The following CYYR1 variants were observed in gnomAD, a reference collection of about 807,000 sequenced individuals.
CYYR1 encodes cysteine and tyrosine-rich protein 1.
A neutral mutation model predicts 15.2 loss-of-function variants in CYYR1; 14 were observed. That is an observed-to-expected ratio of 0.92 (90% CI 0.61 to 1.44). The LOEUF is 1.44. Ranked by LOEUF, CYYR1 falls within the 40% of genes most tolerant of loss-of-function variation. The pLI, the probability that CYYR1 is intolerant of heterozygous loss-of-function variation, is 0.00. For missense variants in CYYR1, 228 were observed against 209.5 expected (o/e 1.09, Z -0.54); for synonymous variants, 80 against 77.4 (o/e 1.03, Z -0.18).
intron 2 of CYYR1, chr21:26,551,737 T>C (rs368553151): frequency 1.0e-4 from 20 of 191,308 alleles, no homozygotes; most frequent in East Asian, 8.2e-4. Context: ...TTTTGTGAGA[T>C]GGAATCTATT....
Position 26,534,389 on chromosome 21 carries a change from C to A in CYYR1, c.176+31877G>T, listed in dbSNP as rs574713049. Among the ~76,000 whole-genome samples the A allele has an allele frequency of 2.0e-5, 3 of 152,226 alleles. No individual in the cohort carries two copies. In the South Asian group the frequency reaches 6.2e-4, roughly 32 times the overall value. ...TCTATTATGTGTTAATGTGCTGAAT[C>A]TTTTCTTGCCCCTCCTGATCTACTC... On this transcript the variant is annotated intron_variant, in intron 2 of 3. Transcript: ENST00000652641.
chr21:26,558,038 T>C (rs986694976), intron 2 of CYYR1, among the ~76,000 whole-genome samples: 3 of 152,202 alleles, frequency 2.0e-5, no homozygotes. Flanking sequence ...CCTTTCATCC[T>C]GTAGCACAAG....
intron 2 of CYYR1, among the ~76,000 whole-genome samples, chr21:26,492,662 A>G (rs2065344195): frequency 6.6e-6 from 1 of 152,116 alleles, no homozygotes; most frequent in African/African-American, 2.4e-5. Flanking sequence ...GCACGTTTGC[A>G]GGAGTGAGGC....
At chr21:26,505,316 A>G (rs2065540952) in intron 2 of CYYR1, among the ~76,000 whole-genome samples, 1 of 152,216 alleles carries the variant, frequency 6.6e-6, no homozygotes, top group Admixed American at 6.5e-5. Context: ...AAAAGTAAAA[A>G]GCAATAAAAG....
chr21:26,469,319 AGGGGGG>A (rs1569135231), intron 3 of CYYR1, among the ~76,000 whole-genome samples: 2 of 151,812 alleles, frequency 1.3e-5, no homozygotes, highest in East Asian at 3.9e-4. Context: ...CTATAATTGG[AGGGGGG>A]TGGAACCATT....
At chr21:26,565,255 G>A (rs1449334476) in intron 2 of CYYR1, among the ~76,000 whole-genome samples, 1 of 152,026 alleles carries the variant, frequency 6.6e-6, no homozygotes, top group Non-Finnish European at 1.5e-5. Context: ...TTCTATTCTC[G>A]GGAAATGGAG....
intron 2 of CYYR1, among the ~76,000 whole-genome samples, chr21:26,495,642 T>TGG (rs2065389634): frequency 6.6e-6 from 1 of 152,200 alleles, no homozygotes; most frequent in South Asian, 2.1e-4. Context: ...GCCCACAATA[T>TGG]GGAAGGAGGC....
rs115332554 is a variant in CYYR1, at chr21:26,562,141, C to T, written c.176+4125G>A. Among the ~76,000 whole-genome samples the T allele has an allele frequency of 4.8e-3, 731 of 152,296 alleles. 6 individuals are homozygous for T. The highest frequency in any genetic ancestry group is 0.016 in the African/African-American group (667 of 41,572). ...GGAAATTGTTTATTTCTTGAATTGG[C>T]CCAATTCTCATTTTTAAATATTCTG... is the stretch of plus-strand genomic sequence containing the variant. On this transcript the variant is annotated intron_variant, in intron 2 of 3. Coordinates refer to ENST00000652641, the MANE Select transcript of CYYR1 (RefSeq NM_001320768.2).
intron 2 of CYYR1, among the ~76,000 whole-genome samples, chr21:26,503,182 C>G (rs778828801): frequency 6.6e-6 from 1 of 152,124 alleles, no homozygotes; most frequent in Non-Finnish European, 1.5e-5. Flanking sequence ...ACTAAAAGCA[C>G]TTGGAGAGAC....
chr21:26,469,762 C>T (rs2065011984), intron 3 of CYYR1, among the ~76,000 whole-genome samples: 2 of 152,110 alleles, frequency 1.3e-5, no homozygotes, highest in African/African-American at 4.8e-5. Context: ...ATAAATTTCT[C>T]CCTATCCATC....
At chr21:26,474,584 T>C (rs1020098566) in intron 3 of CYYR1, among the ~76,000 whole-genome samples, 36 of 151,986 alleles carry the variant, frequency 2.4e-4, no homozygotes, top group African/African-American at 8.2e-4. Context: ...TTTCCTTCAC[T>C]GAAGACTTAA....
intron 2 of CYYR1, chr21:26,483,464 C>A: frequency 1.0e-6 from 1 of 980,162 alleles, no homozygotes; most frequent in Middle Eastern, 5.3e-4. Context: ...AGTTTGCAAG[C>A]CAGAATTTGA....
chr21:26,542,290 CGTGTGTGT>C (rs55725152), intron 2 of CYYR1, among the ~76,000 whole-genome samples: 10 of 128,066 alleles, frequency 7.8e-5, no homozygotes, highest in East Asian at 2.4e-4. Flanking sequence ...TGTGTGTGTG[CGTGTGTGT>C]GTGTGTGTGT....
chr21:26,566,460 A>G (rs1267496006), intron 1 of CYYR1, 92 bp from the exon 2 acceptor site: 2 of 947,066 alleles, frequency 2.1e-6, no homozygotes, highest in African/African-American at 1.6e-5. Flanking sequence ...TCAGCCAATG[A>G]CCACCCTTTA....
chr21:26,480,251 A>G (rs921064372), intron 3 of CYYR1, 21 bp downstream of exon 3: 1 of 1,592,564 alleles, frequency 6.3e-7, no homozygotes, highest in Admixed American at 1.8e-5. Context: ...TGAGCCTTCG[A>G]GAGTCAACAG....
chr21:26,569,874 C>T (rs1026587894), intron 1 of CYYR1, among the ~76,000 whole-genome samples: 2 of 152,258 alleles, frequency 1.3e-5, no homozygotes, highest in East Asian at 3.9e-4. Context: ...ATGTTGTAGC[C>T]AAGAAGCTGG....
chr21:26,556,525 A>T (rs1192362757), intron 2 of CYYR1, among the ~76,000 whole-genome samples: 1 of 152,164 alleles, frequency 6.6e-6, no homozygotes, highest in African/African-American at 2.4e-5. Flanking sequence ...AAAGAGGCTT[A>T]ATTGACTCAT....
At chr21:26,544,442 A>T (rs1196688578) in intron 2 of CYYR1, among the ~76,000 whole-genome samples, 1 of 152,232 alleles carries the variant, frequency 6.6e-6, no homozygotes, top group African/African-American at 2.4e-5. Flanking sequence ...CTGACTCATA[A>T]ATCAGTCACC....
At position 26,572,947 on chromosome 21, in the gene CYYR1, C is replaced by G. The variant is rs1180332370; in HGVS notation, c.-7G>C. The stretch of plus-strand genomic sequence containing the variant: ...GTAGCCTCGGAGCGTCCATCCAAGC[C>G]GGTGGCCTGAGGCTTGGAGCGAAGG... On this transcript the variant is annotated 5_prime_UTR_variant, in exon 1 of 4. Transcript: ENST00000652641. 6.2e-7 allele frequency: 1 copy of G among 1,613,678 alleles called. No individual in the cohort carries two copies. Among genetic ancestry groups the G allele is most frequent in the African/African-American group, 1.3e-5 (1 of 74,802 alleles).
Sources: gnomAD v4.1 joint callset for allele counts (sites outside exome capture counted in the v4.1 genomes callset) on GRCh38, gnomAD v4.1.1 for gene constraint, MANE v1.5 for transcripts, NCBI Gene and HGNC (gene_info 2026-07-23, HGNC 2026-07-21) for gene names.